MED16: variants seen among roughly 807,000 people sequenced by gnomAD.
MED16 encodes mediator of RNA polymerase II transcription subunit 16.
In MED16, 81 loss-of-function variants were observed where a neutral mutation model predicts 84.4. That is an observed-to-expected ratio of 0.96 (90% CI 0.80 to 1.15). The LOEUF is 1.15. Among genes scored for constraint, MED16 ranks in the 50% most tolerant of loss-of-function variants. The pLI, the probability that MED16 is intolerant of heterozygous loss-of-function variation, is 0.00. For missense variants in MED16, 1,585 were observed against 1,245.9 expected, an observed-to-expected ratio of 1.27 and a Z score of -4.10; for synonymous variants, 897 against 552.2, an observed-to-expected ratio of 1.62 and a Z score of -8.76.
Position 872,032 on chromosome 19 carries a change from G to T in MED16, c.1992C>A (p.Ile664=), listed in dbSNP as rs773735886. 5 of 1,610,136 alleles carry T rather than the reference G, an allele frequency of 3.1e-6. No homozygotes were observed. Among genetic ancestry groups the T allele is most frequent in the Non-Finnish European group, 4.2e-6 (5 of 1,178,594 alleles). ...MLRELMVVIR[I]WGLLKPSCLP... is the part of the protein sequence containing the mutation. ...GGCAGCTGGGCTTCAGAAGGCCCCA[G>T]ATGCGGATGACCACCATCAATTCCC... is the stretch of plus-strand genomic sequence containing the variant. Residue 664 remains isoleucine (I), a synonymous_variant, in exon 12 of 16, where the codon ATC becomes ATA. Coordinates refer to ENST00000325464, the MANE Select transcript of MED16 (RefSeq NM_005481.3).
intron 3 of MED16, 80 bp downstream of exon 3, chr19:890,057 A>C: frequency 1.7e-6 from 2 of 1,158,464 alleles, no homozygotes; most frequent in Non-Finnish European, 2.5e-6. Context: ...GCCGGACTCC[A>C]GACTGACCGG....
At chr19:890,667 G>A (rs561063579) in intron 2 of MED16, among the ~76,000 whole-genome samples, 3 of 152,306 alleles carry the variant, frequency 2.0e-5, no homozygotes, top group East Asian at 1.9e-4. Context: ...GACACACACC[G>A]TCTAGAAAAC....
At chr19:886,456 G>C (rs146736796) in intron 4 of MED16, among the ~76,000 whole-genome samples, 1 of 152,358 alleles carries the variant, frequency 6.6e-6, no homozygotes, top group East Asian at 1.9e-4. Flanking sequence ...GAACGTGTGC[G>C]CAACGGGAGT....
In MED16 at chr19:871,922, T is replaced by C; in HGVS notation, c.2098+4A>G. On this transcript the variant is annotated splice_donor_region_variant and intron_variant, in intron 12 of 15. Coordinates refer to ENST00000325464, the MANE Select transcript of MED16 (RefSeq NM_005481.3). The stretch of plus-strand genomic sequence containing the variant: ...GAGGGGAGGGGCGGGCGGGGGTGCC[T>C]CACAGCAGATCCAGAGCTTGGTGAG... 1 of 1,516,678 alleles carries C rather than the reference T, an allele frequency of 6.6e-7. No individual in the cohort carries two copies. The allele number at this position is 1,516,678 out of a possible 1,614,324, so 94.0% of individuals were successfully genotyped here.
At chr19:878,873 C>T (rs1374775408) in intron 8 of MED16, among the ~76,000 whole-genome samples, 24 of 126,966 alleles carry the variant, frequency 1.9e-4, no homozygotes, top group African/African-American at 3.9e-4. Flanking sequence ...CCCAGCCCCA[C>T]GTGCCCCAGC....
Position 873,689 on chromosome 19 carries a change from G to C in MED16, c.1772-107C>G, listed in dbSNP as rs774663158. 1.3e-5 allele frequency: 17 copies of C among 1,278,232 alleles called. No homozygotes were observed. In the South Asian group the frequency reaches 1.8e-4, roughly 14 times the overall value. The allele number at this position is 1,278,232 out of a possible 1,614,324, so 79.2% of individuals were successfully genotyped here. A position where few individuals can be genotyped will look rare whatever the true frequency, so the allele number is the denominator to read the frequency against. ...TGCACTGAGTGCCCACCCAGTACCA[G>C]GACACAAGGGGACCCACACCGGGAA... On this transcript the variant is annotated intron_variant, in intron 10 of 15. Transcript: ENST00000325464.
At chr19:889,855 C>T in intron 3 of MED16, 48 bp from the exon 4 acceptor site, 1 of 1,557,554 alleles carries the variant, frequency 6.4e-7, no homozygotes, top group Non-Finnish European at 8.7e-7. Flanking sequence ...ATGGGCAGAG[C>T]ACTGCGTTGC....
Position 868,029 on chromosome 19 carries a change from C to T in MED16, c.*72G>A, listed in dbSNP as rs902109331. The T allele has an allele frequency of 7.0e-5, 106 of 1,522,742 alleles. No homozygotes were observed. Among genetic ancestry groups the T allele is most frequent in the Middle Eastern group, 4.8e-4 (2 of 4,166 alleles). The allele number at this position is 1,522,742 out of a possible 1,614,324, so 94.3% of individuals were successfully genotyped here. On this transcript the variant is annotated 3_prime_UTR_variant, in exon 16 of 16. Transcript: ENST00000325464. Reference sequence around the variant, plus strand: ...CTGCTTGTCCAGGTTCAGCGCTCTCCGCGGGTGAGGCAAGGAAACCGAGGA... The same window carrying T: ...CTGCTTGTCCAGGTTCAGCGCTCTCTGCGGGTGAGGCAAGGAAACCGAGGA...
In MED16 at chr19:893,183, C is replaced by G. The variant is rs56283881; in HGVS notation, c.-116G>C. ...GCCATCTTCCTCGGTAACAACCAGT[C>G]GCCTGAGGCGTGGGGCCGCCTCCCA... On this transcript the variant is annotated 5_prime_UTR_variant, in exon 1 of 16. Transcript: ENST00000325464. 1 of 152,198 alleles carries G rather than the reference C, an allele frequency of 6.6e-6. No individual in the cohort carries two copies. The highest frequency in any genetic ancestry group is 6.5e-5 in the Admixed American group (1 of 15,286). The allele number at this position is 152,198 out of a possible 1,614,324, so 9.4% of individuals were successfully genotyped here.
rs1430930478 is a variant in MED16, at chr19:872,997, AGGTGG to A, written c.1905+447_1905+451del. 9 of 121,224 alleles carry A rather than the reference AGGTGG, an allele frequency of 7.4e-5. 1 individual carries two copies. Among genetic ancestry groups the A allele is most frequent in the African/African-American group, 3.5e-4 (6 of 17,142 alleles). The allele number at this position is 121,224 out of a possible 1,614,324, so 7.5% of individuals were successfully genotyped here. A position where few individuals can be genotyped will look rare whatever the true frequency, so the allele number is the denominator to read the frequency against. On this transcript the variant is annotated intron_variant, in intron 11 of 15. Transcript: ENST00000325464. ...GGCTCCGAGGTGGGGGAGGGCTCCG[AGGTGG>A]GGGAGGGCTCCGAGGTGGGGCAGGG...
chr19:891,895 G>A (rs1310438380), intron 1 of MED16, among the ~76,000 whole-genome samples: 5 of 134,546 alleles, frequency 3.7e-5, no homozygotes, highest in African/African-American at 5.7e-5. Flanking sequence ...TGAGTGTGAC[G>A]GGGAACACCT....
In MED16 at chr19:885,814, C is replaced by CG. The variant is rs761429221; in HGVS notation, c.834dup (p.Ala279ArgfsTer138). On this transcript the variant is annotated frameshift_variant, in exon 5 of 16. Transcript: ENST00000325464. LOFTEE classifies it high-confidence loss of function. ...GCCAGGAACTTGAGGTGGGTGATGG[C>CG]GGGAAACTTGTCCTTGCGGTTGAGG... The CG allele has an allele frequency of 3.4e-5, 55 of 1,612,774 alleles. No homozygotes were observed. The highest frequency in any genetic ancestry group is 4.5e-5 in the Non-Finnish European group (53 of 1,179,944).
intron 1 of MED16, chr19:892,416 C>T (rs1376766972): frequency 6.4e-6 from 1 of 155,742 alleles, no homozygotes; most frequent in Admixed American, 6.5e-5. Context: ...GCCCTTAGCT[C>T]TCCAGGCCCA....
At chr19:876,825 GC>G in intron 9 of MED16, 148 bp downstream of exon 9, 4 of 728,328 alleles carry the variant, frequency 5.5e-6, no homozygotes, top group Non-Finnish European at 8.7e-6. Context: ...TGACCACGGG[GC>G]CCCTGCCTGC....
intron 6 of MED16, among the ~76,000 whole-genome samples, chr19:882,005 C>T (rs2036430990): frequency 6.6e-6 from 1 of 152,252 alleles, no homozygotes. Flanking sequence ...GGGGAGACGG[C>T]GCCACCTCAG....
rs146928647 is a variant in MED16 at position 868,127 on chromosome 19, G to A, written c.2608C>T (p.His870Tyr). 8.1e-5 allele frequency: 131 copies of A among 1,610,806 alleles called. No individual in the cohort carries two copies. The African/African-American group carries it at 1.4e-3, about 18-fold the overall frequency. The change falls in exon 16 of 16, where the codon CAT (histidine) becomes TAT (tyrosine). Residue 870 changes from histidine to tyrosine, a missense_variant. Physicochemically the swap from His to Tyr is moderately conservative, Grantham distance 83. Coordinates refer to ENST00000325464, the MANE Select transcript of MED16 (RefSeq NM_005481.3). ...HSPRTPRSLD[H>Y]LHPEDRP ...CACGGACGGTCCTCTGGATGCAGAT[G>A]GTCCAGGGATCTGGGGGTCCTGGGA...
intron 7 of MED16, 92 bp from the exon 8 acceptor site, chr19:880,240 G>T (rs556644258): frequency 1.9e-5 from 24 of 1,252,618 alleles, no homozygotes; most frequent in Non-Finnish European, 2.3e-5. Flanking sequence ...GTGGAGAGCC[G>T]GGGCTGCCCA....
Position 891,134 on chromosome 19 carries a change from G to C in MED16, c.-3C>G. The C allele has an allele frequency of 6.2e-7, 1 of 1,611,268 alleles. No homozygotes were observed. Among genetic ancestry groups the C allele is most frequent in the Non-Finnish European group, 8.5e-7 (1 of 1,178,472 alleles). ...GCTGGCCGCCGCAAATCACACATGAGGGCAGTCACCAGCTCCTGCGGGAGG... is the reference window on the plus strand; with the variant it reads ...GCTGGCCGCCGCAAATCACACATGACGGCAGTCACCAGCTCCTGCGGGAGG... On this transcript the variant is annotated 5_prime_UTR_variant, in exon 2 of 16. Transcript: ENST00000325464.
chr19:881,766 G>A (rs540989652), intron 6 of MED16, 52 bp from the exon 7 acceptor site: 1 of 1,579,930 alleles, frequency 6.3e-7, no homozygotes, highest in African/African-American at 1.3e-5. Flanking sequence ...AAGACAGGCT[G>A]AGACAGCCGC....
Sources: gnomAD v4.1 joint callset for allele counts (sites outside exome capture counted in the v4.1 genomes callset) on GRCh38, gnomAD v4.1.1 for gene constraint, MANE v1.5 for transcripts, NCBI Gene and HGNC (gene_info 2026-07-23, HGNC 2026-07-21) for gene names.